Variants in SLC5A10 observed in about 807,000 individuals in gnomAD.
SLC5A10 encodes sodium/mannose cotransporter SLC5A10.
In SLC5A10, 55 loss-of-function variants were observed where a neutral mutation model predicts 68.9. The observed-to-expected ratio is 0.80, with a 90% CI of 0.64 to 1.00. The LOEUF is 1.00. Among genes scored for constraint, SLC5A10 ranks in the 50% least tolerant of loss-of-function variants. SLC5A10 has a pLI of 0.00. For synonymous variants in SLC5A10, 344 were observed against 344.8 expected (o/e 1.00, Z 0.02); for missense variants, 732 against 819.3 (o/e 0.89, Z 1.30).
chr17:18,989,009 C>T (rs1394834860), intron 9 of SLC5A10, among the ~76,000 whole-genome samples: 5 of 152,208 alleles, frequency 3.3e-5, no homozygotes, highest in African/African-American at 7.2e-5. Context: ...GGTATGGGCC[C>T]GGCCCCAGTG....
At chr17:18,956,823 G>A (rs570519159) in intron 1 of SLC5A10, among the ~76,000 whole-genome samples, 4 of 152,066 alleles carry the variant, frequency 2.6e-5, no homozygotes, top group Non-Finnish European at 4.4e-5. Context: ...AGACAGGCTT[G>A]AAAAATCCAT....
chr17:18,999,178 T>G (rs760149238), intron 9 of SLC5A10, among the ~76,000 whole-genome samples: 1 of 151,694 alleles, frequency 6.6e-6, no homozygotes, highest in Non-Finnish European at 1.5e-5. Context: ...CTCAGGAGGC[T>G]GAGGCAGGAG....
chr17:18,979,568 C>G (rs2043076335), intron 9 of SLC5A10: 1 of 1,613,310 alleles, frequency 6.2e-7, no homozygotes. Flanking sequence ...CCGCACACAG[C>G]CCGGTCTCCA....
chr17:18,954,343 T>G (rs36041055), intron 1 of SLC5A10, among the ~76,000 whole-genome samples: 50 of 152,214 alleles, frequency 3.3e-4, no homozygotes, highest in Non-Finnish European at 6.3e-4. Flanking sequence ...CCAGACCCTT[T>G]GTAGCCCAGT....
chr17:18,951,171 C>T (rs893851369), upstream of SLC5A10, among the ~76,000 whole-genome samples: 13 of 152,234 alleles, frequency 8.5e-5, no homozygotes, highest in East Asian at 1.9e-4. Flanking sequence ...TGCAAAGTCA[C>T]GAGTCATGTC....
intron 9 of SLC5A10, chr17:18,978,269 T>G: frequency 6.2e-7 from 1 of 1,609,242 alleles, no homozygotes; most frequent in Non-Finnish European, 8.5e-7. Context: ...CCTGCTGTCC[T>G]GGCTCTGCTT....
In SLC5A10 at chr17:19,017,271, G is replaced by A. The variant is rs563792807; in HGVS notation, c.1241+2072G>A. The stretch of plus-strand genomic sequence containing the variant: ...GTCAGGCTGGCCAGCTCAACTTCCC[G>A]TCCCTCTTACAGCACTGGGATACCC... On this transcript the variant is annotated intron_variant, in intron 11 of 14. Transcript: ENST00000395645. This position sits in a 1 kb window ranked among gnomAD's most constrained non-coding sequence, Gnocchi z 5.6. 6.2e-5 allele frequency: 96 copies of A among 1,551,344 alleles called. No individual in the cohort carries two copies. The highest frequency in any genetic ancestry group is 5.6e-4 in the East Asian group (23 of 40,924).
chr17:19,012,773 A>G (rs542427034), intron 9 of SLC5A10, among the ~76,000 whole-genome samples: 1 of 152,328 alleles, frequency 6.6e-6, no homozygotes, highest in Admixed American at 6.5e-5. Flanking sequence ...AGCAGGAAAT[A>G]GCCTGGCGTA....
chr17:18,994,559 A>AGGCTGAGCAGAGAACCACCGGAAAGGGGT (rs1388903088), intron 9 of SLC5A10, among the ~76,000 whole-genome samples: 1 of 152,098 alleles, frequency 6.6e-6, no homozygotes, highest in Non-Finnish European at 1.5e-5. Context: ...TGGAAAGGGG[A>AGGCTGAGCAGAGAACCACCGGAAAGGGGT]GGCTGAGCAG....
In SLC5A10 at chr17:18,995,871, GCA is replaced by G. The variant is rs554589874; in HGVS notation, c.983-17537_983-17536del. Among the ~76,000 whole-genome samples, 14 of 150,462 alleles carry G rather than the reference GCA, an allele frequency of 9.3e-5. No homozygotes were observed. In the South Asian group the frequency reaches 2.9e-3, roughly 31 times the overall value. On this transcript the variant is annotated intron_variant, in intron 9 of 14. Transcript: ENST00000395645. ...TGCAGTGAGCCAAGATTGCGCCACTGCACTCCAGCCTGGGCAACAGAGTAAGA... is the reference window on the plus strand; with the variant it reads ...TGCAGTGAGCCAAGATTGCGCCACTGCTCCAGCCTGGGCAACAGAGTAAGA...
At chr17:18,977,111 G>GAAC in intron 9 of SLC5A10, 122 bp downstream of exon 9, 5 of 1,343,924 alleles carry the variant, frequency 3.7e-6, no homozygotes, top group Non-Finnish European at 5.1e-6. Flanking sequence ...CCAACCTGGG[G>GAAC]AGTGGGGAGA....
intron 9 of SLC5A10, among the ~76,000 whole-genome samples, chr17:18,981,206 C>T (rs1212532072): frequency 1.3e-5 from 2 of 152,058 alleles, no homozygotes; most frequent in Non-Finnish European, 2.9e-5. Context: ...GAAGGGCTGG[C>T]CGGGAGGCTC....
intron 10 of SLC5A10, among the ~76,000 whole-genome samples, chr17:19,014,830 C>T (rs774317993): frequency 6.6e-6 from 1 of 152,174 alleles, no homozygotes; most frequent in Non-Finnish European, 1.5e-5. Context: ...GCTCAAGCAG[C>T]CAGCTCCGAA....
chr17:18,960,260 G>A (rs2042585335), intron 4 of SLC5A10, among the ~76,000 whole-genome samples: 1 of 152,082 alleles, frequency 6.6e-6, no homozygotes, highest in African/African-American at 2.4e-5. Flanking sequence ...TTGTCCCTCT[G>A]TCCCAGCCAC....
chr17:19,012,296 C>CG (rs1445003757), intron 9 of SLC5A10, among the ~76,000 whole-genome samples: 2 of 152,212 alleles, frequency 1.3e-5, no homozygotes, highest in Non-Finnish European at 2.9e-5. Context: ...GGAGGTAGGC[C>CG]GGGGTTCTGC....
At chr17:18,952,079 C>T (rs540391783), upstream of SLC5A10, 729 of 1,438,592 alleles carry the variant, frequency 5.1e-4, 6 homozygotes, top group South Asian at 9.7e-3. Context: ...GCAGCCACAT[C>T]ATGGGCTGGA....
intron 9 of SLC5A10, among the ~76,000 whole-genome samples, chr17:19,001,870 G>A (rs952501242): frequency 6.6e-6 from 1 of 152,204 alleles, no homozygotes; most frequent in African/African-American, 2.4e-5. Context: ...GACAAGGAGG[G>A]GAGGCACAGA....
intron 9 of SLC5A10, among the ~76,000 whole-genome samples, chr17:18,980,108 G>A (rs555070340): frequency 6.6e-6 from 1 of 152,134 alleles, no homozygotes; most frequent in African/African-American, 2.4e-5. Context: ...AGCCAGAGGA[G>A]GGCAGGAAGG....
chr17:19,007,172 C>T (rs2043910515), intron 9 of SLC5A10, among the ~76,000 whole-genome samples: 1 of 150,126 alleles, frequency 6.7e-6, no homozygotes, highest in Admixed American at 6.7e-5. Flanking sequence ...CACATCCTTG[C>T]CAACATGTGG....
Sources: gnomAD v4.1 joint callset for allele counts (sites outside exome capture counted in the v4.1 genomes callset) on GRCh38, gnomAD v4.1.1 for gene constraint, Gnocchi (gnomAD v3.1) non-coding constraint, MANE v1.5 for transcripts, NCBI Gene and HGNC (gene_info 2026-07-23, HGNC 2026-07-21) for gene names.